Variants in DMTN observed in about 807,000 individuals in gnomAD.
DMTN encodes the protein dematin actin binding protein, also known as dematin.
Under a neutral mutation model 59.4 loss-of-function variants are expected in DMTN, and 27 were observed. The ratio of observed to expected loss-of-function variants is 0.45; its 90% confidence interval spans 0.33 to 0.63. The LOEUF (loss-of-function observed/expected upper bound fraction) is 0.63, where lower values mean the gene tolerates loss of function less well. Among genes scored for constraint, DMTN ranks in the 20% least tolerant of loss-of-function variants. DMTN has a pLI of 0.02. For missense variants in DMTN, 451 were observed against 528.9 expected (o/e 0.85, Z 1.45); for synonymous variants, 221 against 203.7 (o/e 1.08, Z -0.72).
intron 10 of DMTN, among the ~76,000 whole-genome samples, chr8:22,074,316 C>G (rs1478548041): frequency 1.3e-5 from 2 of 152,136 alleles, no homozygotes; most frequent in Non-Finnish European, 2.9e-5. Flanking sequence ...CTCTGTTGCC[C>G]AGGCTGGAAT....
In DMTN at chr8:22,058,923, G is replaced by T. The variant is rs1439520872; in HGVS notation, c.-172+1787G>T. On this transcript the variant is annotated intron_variant, in intron 1 of 15. Transcript: ENST00000358242. This position sits in a 1 kb window ranked among gnomAD's most constrained non-coding sequence, Gnocchi z 4.3. ...TCCTGGTGTCCTTTTCCAGTGGCGGGGGGGTGCGGGGAGCAAGGTGCCCTA... is the reference window on the plus strand; with the variant it reads ...TCCTGGTGTCCTTTTCCAGTGGCGGTGGGGTGCGGGGAGCAAGGTGCCCTA... Among the ~76,000 whole-genome samples the T allele has an allele frequency of 6.6e-6, 1 of 152,170 alleles. No individual in the cohort carries two copies. The highest frequency in any genetic ancestry group is 1.5e-5 in the Non-Finnish European group (1 of 68,010).
chr8:22,071,483 C>T (rs1004075541), intron 8 of DMTN, among the ~76,000 whole-genome samples: 1 of 151,596 alleles, frequency 6.6e-6, no homozygotes, highest in African/African-American at 2.4e-5. Flanking sequence ...CAACTTCTAC[C>T]ACCTGAGTTC....
chr8:22,069,456 A>G lies in DMTN; in HGVS notation c.332A>G (p.Gln111Arg). The G allele has an allele frequency of 6.2e-7, 1 of 1,613,118 alleles. No individual in the cohort carries two copies. The highest frequency in any genetic ancestry group is 8.5e-7 in the Non-Finnish European group (1 of 1,179,500). ...ADSRSPGIIS[Q>R]ASAPRTTGTP... ...AGCCGGTCGCCTGGAATCATCTCTC[A>G]GGCCTCGGCCCCCAGAACCACTGGA... The change falls in exon 6 of 16, where the codon CAG becomes CGG. Residue 111 changes from glutamine (Q) to arginine (R), a missense_variant. By Grantham distance (43) the Gln-to-Arg change is conservative. Transcript: ENST00000358242.
At chr8:22,076,327 T>G (rs1366442941) in intron 10 of DMTN, among the ~76,000 whole-genome samples, 1 of 151,930 alleles carries the variant, frequency 6.6e-6, no homozygotes, top group Non-Finnish European at 1.5e-5. Flanking sequence ...CCATTAAAGG[T>G]CCAGTCGGGG....
rs1315508962 is a variant in DMTN, at chr8:22,082,313, C to A, written c.*850C>A. On this transcript the variant is annotated 3_prime_UTR_variant, in exon 16 of 16. Coordinates refer to ENST00000358242, the MANE Select transcript of DMTN (RefSeq NM_001387751.1). ...TCTCAAGAATGTAATTTATTGGGGC[C>A]CCCCCAGCTGCTTTCCTCACCTGCC... 3 of 445,150 alleles carry A rather than the reference C, an allele frequency of 6.7e-6. No homozygotes were observed. Among genetic ancestry groups the A allele is most frequent in the Non-Finnish European group, 1.4e-5 (3 of 219,770 alleles). The allele number at this position is 445,150 out of a possible 1,614,324, so 27.6% of individuals were successfully genotyped here.
At chr8:22,073,475 C>A (rs1297621865) in intron 9 of DMTN, among the ~76,000 whole-genome samples, 1 of 149,500 alleles carries the variant, frequency 6.7e-6, no homozygotes, top group African/African-American at 2.5e-5. Context: ...AAAAAAAAAA[C>A]AATTAGCTAG....
chr8:22,054,137 C>G (rs1277658457), upstream of DMTN, among the ~76,000 whole-genome samples: 1 of 151,806 alleles, frequency 6.6e-6, no homozygotes, highest in African/African-American at 2.4e-5. Flanking sequence ...CACACACACA[C>G]AGCCCAGATC....
At chr8:22,063,168 C>A (rs1178362172) in intron 1 of DMTN, among the ~76,000 whole-genome samples, 1 of 152,214 alleles carries the variant, frequency 6.6e-6, no homozygotes, top group Non-Finnish European at 1.5e-5. Flanking sequence ...TGACTTCCTC[C>A]TTTCCCCTTC....
intron 6 of DMTN, 27 bp from the exon 7 acceptor site, chr8:22,069,854 C>A: frequency 2.5e-6 from 4 of 1,613,168 alleles, no homozygotes; most frequent in Non-Finnish European, 3.4e-6. Context: ...AGCATGTCCT[C>A]CTCCTCATCT....
chr8:22,081,092 T>TGGGGGGGGGGGGGGGCGGGGGG, intron 14 of DMTN, 21 bp from the exon 15 acceptor site: 1 of 1,547,318 alleles, frequency 6.5e-7, no homozygotes, highest in South Asian at 1.1e-5. Context: ...AGCCTAAGAT[T>TGGGGGGGGGGGGGGGCGGGGGG]GCCCCTCCCC....
At position 22,060,495 on chromosome 8, in the gene DMTN, G is replaced by A. The variant is rs1026930274; in HGVS notation, c.-172+3359G>A. The stretch of plus-strand genomic sequence containing the variant: ...CACTCTTCTCCACCCCCATTTTCCC[G>A]GCTGGCCTTCTGACAGCTTAAAATT... On this transcript the variant is annotated intron_variant, in intron 1 of 15. Coordinates refer to ENST00000358242, the MANE Select transcript of DMTN (RefSeq NM_001387751.1). The surrounding 1 kb of genome is among the most constrained non-coding windows in gnomAD (Gnocchi z 5.0). Among the ~76,000 whole-genome samples the A allele has an allele frequency of 5.3e-5, 8 of 150,780 alleles. No individual in the cohort carries two copies. Among genetic ancestry groups the A allele is most frequent in the African/African-American group, 2.0e-4 (8 of 40,750 alleles).
upstream of DMTN, among the ~76,000 whole-genome samples, chr8:22,052,684 T>A (rs555750167): frequency 6.6e-6 from 1 of 152,316 alleles, no homozygotes; most frequent in Admixed American, 6.5e-5. Flanking sequence ...GCAACCTTTT[T>A]TTTTTCGTAC....
In DMTN at chr8:22,080,927, G is replaced by A. The variant is rs1198410841; in HGVS notation, c.1023+57G>A. ...GGGGCGGGAGGCTGGGGAGATGCCA[G>A]GCAAGTGGAATGTGCTGCGGGGTCT... On this transcript the variant is annotated intron_variant, in intron 14 of 15. Transcript: ENST00000358242. The A allele has an allele frequency of 8.5e-6, 13 of 1,523,906 alleles. No homozygotes were observed. The African/African-American group carries it at 1.4e-4, about 16-fold the overall frequency. 94.4% of individuals were successfully genotyped at this position (1,523,906 alleles called of 1,614,324 possible).
rs1282589384 is a variant in DMTN at position 22,057,044 on chromosome 8, G to A, written c.-264G>A. 6.9e-6 allele frequency: 1 copy of A among 144,018 alleles called. No individual in the cohort carries two copies. Among genetic ancestry groups the A allele is most frequent in the East Asian group, 2.1e-4 (1 of 4,868 alleles). The allele number at this position is 144,018 out of a possible 1,614,324, so 8.9% of individuals were successfully genotyped here. A position where few individuals can be genotyped will look rare whatever the true frequency, so the allele number is the denominator to read the frequency against. ...TCCTGGAAGAGACACCTATTACCTA[G>A]GCTCCTGGGGGAAGTGACAGCCCGT... is the stretch of plus-strand genomic sequence containing the variant. On this transcript the variant is annotated 5_prime_UTR_variant, in exon 1 of 16. Transcript: ENST00000358242.
upstream of DMTN, among the ~76,000 whole-genome samples, chr8:22,051,837 C>T (rs1801384983): frequency 6.6e-6 from 1 of 152,162 alleles, no homozygotes; most frequent in African/African-American, 2.4e-5. Flanking sequence ...GAGTTTGCTC[C>T]ACTTACCTTC....
chr8:22,053,852 G>C (rs903822306), upstream of DMTN: 5 of 152,302 alleles, frequency 3.3e-5, no homozygotes, highest in African/African-American at 9.7e-5. Flanking sequence ...AAGCCCACCC[G>C]CCTGGGGCCT....
At chr8:22,070,052 G>C (rs1052768926) in intron 7 of DMTN, 115 bp downstream of exon 7, 2 of 1,553,258 alleles carry the variant, frequency 1.3e-6, no homozygotes, top group African/African-American at 2.7e-5. Context: ...ACAGCAGCAC[G>C]TGTGCCCCGT....
chr8:22,076,955 G>A (rs1483633772), intron 10 of DMTN, among the ~76,000 whole-genome samples: 1 of 152,116 alleles, frequency 6.6e-6, no homozygotes, highest in Admixed American at 6.5e-5. Flanking sequence ...GGTGAGAATG[G>A]CGAGGGTTTG....
intron 7 of DMTN, 85 bp downstream of exon 7, chr8:22,070,022 G>T: frequency 6.3e-7 from 1 of 1,584,272 alleles, no homozygotes; most frequent in Non-Finnish European, 8.7e-7. Context: ...GGCTGGAGGG[G>T]GTCGGGAGGA....
Sources: gnomAD v4.1 joint callset for allele counts (sites outside exome capture counted in the v4.1 genomes callset) on GRCh38, gnomAD v4.1.1 for gene constraint, Gnocchi (gnomAD v3.1) non-coding constraint, MANE v1.5 for transcripts, NCBI Gene and HGNC (gene_info 2026-07-23, HGNC 2026-07-21) for gene names.